ATXN1: variants seen among roughly 807,000 people sequenced by gnomAD.
ATXN1 encodes the protein ataxin-1.
ATXN1 carries 8 observed loss-of-function variants against 56.4 expected under a neutral mutation model. That is an observed-to-expected ratio of 0.14 (90% CI 0.08 to 0.26). ATXN1 has a LOEUF of 0.26. Among genes scored for constraint, ATXN1 ranks in the 10% least tolerant of loss-of-function variants. The pLI, the probability that ATXN1 is intolerant of heterozygous loss-of-function variation, is 1.00. For synonymous variants in ATXN1, 514 were observed against 494.6 expected (o/e 1.04, Z -0.52); for missense variants, 987 against 1,106.5 (o/e 0.89, Z 1.53).
chr6:16,433,169 T>C (rs919348707), intron 6 of ATXN1: 23 of 152,226 alleles, frequency 1.5e-4, no homozygotes, highest in African/African-American at 5.1e-4. Flanking sequence ...ATTAGTTACA[T>C]AGTAGACAAT....
intron 6 of ATXN1, among the ~76,000 whole-genome samples, chr6:16,471,786 A>G (rs1760224782): frequency 6.6e-6 from 1 of 152,076 alleles, no homozygotes; most frequent in African/African-American, 2.4e-5. Flanking sequence ...GAGCAACAAC[A>G]ATTTGAATTA....
At chr6:16,444,051 G>T (rs1379969930) in intron 6 of ATXN1, among the ~76,000 whole-genome samples, 4 of 151,560 alleles carry the variant, frequency 2.6e-5, no homozygotes, top group African/African-American at 9.7e-5. Flanking sequence ...GGGAGGTGGA[G>T]CTTGCAGTGA....
intron 6 of ATXN1, among the ~76,000 whole-genome samples, chr6:16,398,683 G>A (rs985406199): frequency 6.6e-6 from 1 of 152,086 alleles, no homozygotes; most frequent in South Asian, 2.1e-4. Flanking sequence ...AAAAATCCCT[G>A]CCTTTTATCA....
chr6:16,418,144 A>G (rs1389844544), intron 6 of ATXN1, among the ~76,000 whole-genome samples: 1 of 152,258 alleles, frequency 6.6e-6, no homozygotes, highest in Non-Finnish European at 1.5e-5. Context: ...GGCACATAAT[A>G]GGTGCTTAAA....
intron 2 of ATXN1, among the ~76,000 whole-genome samples, chr6:16,731,219 C>T (rs963519741): frequency 6.6e-6 from 1 of 151,970 alleles, no homozygotes; most frequent in African/African-American, 2.4e-5. Context: ...AAAAAATGCT[C>T]TGCATGTAAG....
At chr6:16,621,263 C>T (rs1044835677) in intron 3 of ATXN1, among the ~76,000 whole-genome samples, 1 of 152,242 alleles carries the variant, frequency 6.6e-6, no homozygotes, top group Admixed American at 6.5e-5. Context: ...TCTCACAGAC[C>T]TGCTTCAGTC....
chr6:16,302,410 G>T lies in ATXN1; in HGVS notation c.*3919C>A, dbSNP rs1245379301. 6.6e-6 allele frequency: 1 copy of T among 152,590 alleles called. No individual in the cohort carries two copies. The highest frequency in any genetic ancestry group is 2.4e-5 in the African/African-American group (1 of 41,440). 9.5% of individuals were successfully genotyped at this position (152,590 alleles called of 1,614,324 possible). A position where few individuals can be genotyped will look rare whatever the true frequency, so the allele number is the denominator to read the frequency against. On this transcript the variant is annotated 3_prime_UTR_variant, in exon 8 of 8. Transcript: ENST00000436367. Reference sequence around the variant, plus strand: ...ATCAAATCATCCCAAACTAAACTGGGTGAGTTAGGGAAAACGAAAAGTTGA... The same window carrying T: ...ATCAAATCATCCCAAACTAAACTGGTTGAGTTAGGGAAAACGAAAAGTTGA...
At chr6:16,592,140 T>C (rs145094852) in intron 3 of ATXN1, among the ~76,000 whole-genome samples, 140 of 152,158 alleles carry the variant, frequency 9.2e-4, no homozygotes, top group East Asian at 8.9e-3. Flanking sequence ...GCTCAGCTGT[T>C]TCAGAATAAG....
chr6:16,425,136 G>A (rs1045268987), intron 6 of ATXN1, among the ~76,000 whole-genome samples: 2 of 152,114 alleles, frequency 1.3e-5, no homozygotes, highest in Admixed American at 6.5e-5. Context: ...ATATTTTAAA[G>A]TGCACAGATG....
chr6:16,590,812 G>A (rs1010350049), intron 3 of ATXN1, among the ~76,000 whole-genome samples: 2 of 151,514 alleles, frequency 1.3e-5, no homozygotes, highest in East Asian at 1.9e-4. Flanking sequence ...TGGGACTACA[G>A]GCACACGCCA....
chr6:16,453,482 G>C (rs1256527163), intron 6 of ATXN1, among the ~76,000 whole-genome samples: 1 of 152,062 alleles, frequency 6.6e-6, no homozygotes, highest in Non-Finnish European at 1.5e-5. Flanking sequence ...AAAATAAAGA[G>C]GGGGTAAAAA....
At chr6:16,493,249 CA>C (rs1370749409) in intron 5 of ATXN1, among the ~76,000 whole-genome samples, 1 of 152,158 alleles carries the variant, frequency 6.6e-6, no homozygotes, top group African/African-American at 2.4e-5. Context: ...CTGGCCCCAG[CA>C]TGCTTTTCCA....
At chr6:16,443,313 C>G (rs1245272977) in intron 6 of ATXN1, among the ~76,000 whole-genome samples, 1 of 146,810 alleles carries the variant, frequency 6.8e-6, no homozygotes, top group Admixed American at 6.8e-5. Context: ...ATAAAGCAGA[C>G]AGGCATGAAA....
chr6:16,761,063 C>CAT (rs750086876), intron 1 of ATXN1: 54 of 297,352 alleles, frequency 1.8e-4, no homozygotes, highest in Middle Eastern at 1.2e-3. Context: ...TATGTACACA[C>CAT]ATACACACAC....
chr6:16,758,794 T>C (rs377652113), intron 1 of ATXN1, among the ~76,000 whole-genome samples: 2 of 152,348 alleles, frequency 1.3e-5, no homozygotes, highest in East Asian at 3.9e-4. Flanking sequence ...CTGCTTTATG[T>C]AGAAGATGGC....
At chr6:16,711,467 A>T (rs573078206) in intron 2 of ATXN1, among the ~76,000 whole-genome samples, 1 of 152,114 alleles carries the variant, frequency 6.6e-6, no homozygotes, top group Non-Finnish European at 1.5e-5. Context: ...GGTAAGCCAA[A>T]CACTGAGAAA....
chr6:16,486,177 A>T (rs970945436), intron 5 of ATXN1, 68 bp from the exon 6 acceptor site: 1 of 152,232 alleles, frequency 6.6e-6, no homozygotes, highest in Non-Finnish European at 1.5e-5. Context: ...TGTTATCTGA[A>T]CAAATACAGT....
intron 2 of ATXN1, among the ~76,000 whole-genome samples, chr6:16,666,082 C>T (rs1035882121): frequency 6.6e-6 from 1 of 152,122 alleles, no homozygotes; most frequent in African/African-American, 2.4e-5. Context: ...AGCTCTTATT[C>T]CTACTATCTA....
At chr6:16,547,232 C>CA (rs1304906757) in intron 4 of ATXN1, among the ~76,000 whole-genome samples, 3 of 152,148 alleles carry the variant, frequency 2.0e-5, no homozygotes, top group Non-Finnish European at 4.4e-5. Flanking sequence ...CTTTTCCTTC[C>CA]AAATGCACAT....
Sources: allele counts gnomAD v4.1 joint callset (sites outside exome capture counted in the v4.1 genomes callset), GRCh38; gene constraint gnomAD v4.1.1; transcripts MANE v1.5; gene names NCBI Gene and HGNC (gene_info 2026-07-23, HGNC 2026-07-21).